UNC45A: variants seen among roughly 807,000 people sequenced by gnomAD.
UNC45A encodes unc-45 myosin chaperone A.
A neutral mutation model predicts 103.2 loss-of-function variants in UNC45A; 78 were observed. That is an observed-to-expected ratio of 0.76 (90% confidence interval 0.63 to 0.91). UNC45A has a LOEUF of 0.91. Ranked by LOEUF, UNC45A falls within the 40% of genes least tolerant of loss-of-function variation. The pLI, the probability that UNC45A is intolerant of heterozygous loss-of-function variation, is 0.00. For synonymous variants in UNC45A, 495 were observed against 504.6 expected, an observed-to-expected ratio of 0.98 and a Z score of 0.25; for missense variants, 1,193 against 1,224.8, an observed-to-expected ratio of 0.97 and a Z score of 0.39.
upstream of UNC45A, chr15:90,932,546 G>C: frequency 8.0e-7 from 1 of 1,253,930 alleles, no homozygotes; most frequent in Non-Finnish European, 1.0e-6. Flanking sequence ...CCCATCGCGC[G>C]GATGGGGCCG....
chr15:90,931,658 G>A, upstream of UNC45A: 1 of 1,614,028 alleles, frequency 6.2e-7, no homozygotes, highest in Non-Finnish European at 8.5e-7. Context: ...TCTTCAGAAG[G>A]CGGCATCCCC....
intron 4 of UNC45A, 129 bp downstream of exon 4, chr15:90,936,589 A>G (rs987771833): frequency 4.6e-6 from 5 of 1,092,080 alleles, no homozygotes; most frequent in Admixed American, 5.8e-5. Flanking sequence ...AGGGAAAAGC[A>G]AATTAAGATG....
chr15:90,934,551 T>G (rs1161243018), upstream of UNC45A: 1 of 398,794 alleles, frequency 2.5e-6, no homozygotes, highest in Middle Eastern at 6.2e-4. Flanking sequence ...CATCCTCAGG[T>G]GAGATCTCCA....
chr15:90,953,586 A>G lies in UNC45A; in HGVS notation c.2705A>G (p.Glu902Gly). The part of the protein sequence containing the change: ...ASREIASTLM[E>G]SEMMEILSVL... ...AGGGAGATTGCCAGCACCCTGATGGAGAGTGAGATGATGGAGATCTTGTCA... is the reference window on the plus strand; with the variant it reads ...AGGGAGATTGCCAGCACCCTGATGGGGAGTGAGATGATGGAGATCTTGTCA... Residue 902 changes from glutamate to glycine, a missense_variant, in exon 20 of 20, where the codon GAG (glutamate) becomes GGG (glycine). Coordinates refer to ENST00000418476, the MANE Select transcript of UNC45A (RefSeq NM_018671.5). 1 of 1,614,120 alleles carries G rather than the reference A, an allele frequency of 6.2e-7. No individual in the cohort carries two copies. The highest frequency in any genetic ancestry group is 8.5e-7 in the Non-Finnish European group (1 of 1,180,026).
intron 4 of UNC45A, among the ~76,000 whole-genome samples, chr15:90,936,830 TTCTC>T (rs2036046371): frequency 6.6e-6 from 1 of 152,214 alleles, no homozygotes; most frequent in Admixed American, 6.5e-5. Flanking sequence ...TTCTTGCTGT[TTCTC>T]TCAGAGAAAC....
At chr15:90,942,362 A>G in intron 6 of UNC45A, 75 bp from the exon 7 acceptor site, 1 of 1,514,210 alleles carries the variant, frequency 6.6e-7, no homozygotes. Flanking sequence ...CGTATCCTCT[A>G]ACTCACAGTT....
At chr15:90,931,517 G>C, upstream of UNC45A, 1 of 1,614,180 alleles carries the variant, frequency 6.2e-7, no homozygotes, top group South Asian at 1.1e-5. Context: ...GGAATGAGCT[G>C]TCCTGAAAAC....
chr15:90,941,516 T>G (rs1353906647), intron 6 of UNC45A, among the ~76,000 whole-genome samples: 1 of 152,186 alleles, frequency 6.6e-6, no homozygotes, highest in African/African-American at 2.4e-5. Flanking sequence ...AGGCTAAGAC[T>G]GTTAAAAGCA....
rs35819329 is a variant in UNC45A, at chr15:90,945,632, A to ATT, written c.1199+584_1199+585dup. Among the ~76,000 whole-genome samples the ATT allele has an allele frequency of 7.7e-4, 101 of 130,398 alleles. 1 individual carries two copies. Among genetic ancestry groups the ATT allele is most frequent in the East Asian group, 4.7e-3 (21 of 4,512 alleles). 85.5% of individuals were successfully genotyped at this position (130,398 alleles called of 152,430 possible). ...TGCCTTGGCTTCCCAAAGTGCTGGG[A>ATT]TTTTTTTTTTTTTTTTGAGATGGAG... is the stretch of plus-strand genomic sequence containing the variant. On this transcript the variant is annotated intron_variant, in intron 9 of 19. Transcript: ENST00000418476.
chr15:90,931,438 G>C, upstream of UNC45A: 1 of 1,611,214 alleles, frequency 6.2e-7, no homozygotes, highest in Non-Finnish European at 8.5e-7. Flanking sequence ...TTGCTAGCGT[G>C]ATGTCAAGGA....
chr15:90,943,903 G>A (rs796205818), intron 8 of UNC45A, among the ~76,000 whole-genome samples: 9 of 150,992 alleles, frequency 6.0e-5, no homozygotes, highest in South Asian at 2.1e-4. Context: ...TGGCCAGGCT[G>A]GTCTCGAACT....
rs777584258 is a variant in UNC45A at position 90,939,711 on chromosome 15, T to C, written c.427-20T>C. 18 of 1,613,778 alleles carry C rather than the reference T, an allele frequency of 1.1e-5. No individual in the cohort carries two copies. Among genetic ancestry groups the C allele is most frequent in the Admixed American group, 1.7e-5 (1 of 60,016 alleles). On this transcript the variant is annotated intron_variant, in intron 4 of 19. Coordinates refer to ENST00000418476, the MANE Select transcript of UNC45A (RefSeq NM_018671.5). ...TGGCCAAGAGCCGTGATTTGTTCCA[T>C]GCTTTGTTGGTTTGTCTAGGTGCGA...
At chr15:90,941,154 A>G (rs1490999019) in intron 6 of UNC45A, among the ~76,000 whole-genome samples, 1 of 152,112 alleles carries the variant, frequency 6.6e-6, no homozygotes, top group African/African-American at 2.4e-5. Flanking sequence ...GACTCCTTCA[A>G]TGTCCATATG....
chr15:90,945,946 C>G (rs2036545050), intron 9 of UNC45A, among the ~76,000 whole-genome samples: 1 of 151,550 alleles, frequency 6.6e-6, no homozygotes, highest in Non-Finnish European at 1.5e-5. Flanking sequence ...GGCGACAGTC[C>G]TTGTTCTTAA....
rs114334254 is a variant in UNC45A at position 90,940,542 on chromosome 15, C to T, written c.687+69C>T. The T allele has an allele frequency of 2.3e-3, 3,604 of 1,544,522 alleles. 78 individuals are homozygous for T. In the African/African-American group the frequency reaches 0.044, roughly 19 times the overall value. ...CTGTCTGTCCATCCATTCCTCCATC[C>T]ACCCATCTGTCCATCCGCCCATCTG... On this transcript the variant is annotated intron_variant, in intron 6 of 19. Coordinates refer to ENST00000418476, the MANE Select transcript of UNC45A (RefSeq NM_018671.5).
intron 17 of UNC45A, chr15:90,952,650 C>G: frequency 2.5e-6 from 1 of 405,996 alleles, no homozygotes; most frequent in Non-Finnish European, 4.6e-6. Context: ...GTCTCGAACT[C>G]TTGACCTCAA....
Position 90,935,328 on chromosome 15 carries a change from A to G in UNC45A, c.4A>G (p.Thr2Ala), listed in dbSNP as rs964351309. The G allele has an allele frequency of 1.6e-5, 25 of 1,604,026 alleles. No homozygotes were observed. Among genetic ancestry groups the G allele is most frequent in the Non-Finnish European group, 2.0e-5 (24 of 1,176,868 alleles). MTVSGPGTPEPR... is the reference protein window; with the variant it reads MAVSGPGTPEPR... ...GGCACGAGACAACCTCTCCGCGATG[A>G]CTGTGAGTGGTCCAGGGACCCCCGA... The change falls in exon 1 of 20, where the codon ACT (threonine) becomes GCT (alanine). Residue 2 changes from threonine to alanine, a missense_variant. Physicochemically the swap from Thr to Ala is moderately conservative, Grantham distance 58. Transcript: ENST00000418476.
Position 90,939,721 on chromosome 15 carries a change from G to C in UNC45A, c.427-10G>C, listed in dbSNP as rs757118374. 16 of 1,613,938 alleles carry C rather than the reference G, an allele frequency of 9.9e-6. No homozygotes were observed. The highest frequency in any genetic ancestry group is 1.3e-5 in the African/African-American group (1 of 74,924). Reference sequence around the variant, plus strand: ...CCGTGATTTGTTCCATGCTTTGTTGGTTTGTCTAGGTGCGATACATGTCCT... The same window carrying C: ...CCGTGATTTGTTCCATGCTTTGTTGCTTTGTCTAGGTGCGATACATGTCCT... On this transcript the variant is annotated splice_polypyrimidine_tract_variant and intron_variant, in intron 4 of 19. Transcript: ENST00000418476.
At chr15:90,935,755 C>T in intron 2 of UNC45A, 50 bp downstream of exon 2, 11 of 1,521,044 alleles carry the variant, frequency 7.2e-6, no homozygotes, top group Non-Finnish European at 8.8e-6. Context: ...CCCGGTTCGC[C>T]CATCTAAGCT....
Sources: allele counts gnomAD v4.1 joint callset (sites outside exome capture counted in the v4.1 genomes callset), GRCh38; gene constraint gnomAD v4.1.1; transcripts MANE v1.5; gene names NCBI Gene and HGNC (gene_info 2026-07-23, HGNC 2026-07-21).